Variants in CALHM4 observed in about 807,000 individuals in gnomAD.
CALHM4 encodes the protein calcium homeostasis modulator protein 4.
In CALHM4, 16 loss-of-function variants were observed where a neutral mutation model predicts 13.3. That is an observed-to-expected ratio of 1.20 (90% CI 0.81 to 1.82). The LOEUF (loss-of-function observed/expected upper bound fraction) is 1.82. CALHM4 is among the 40% of genes most tolerant of loss of function. The pLI is 0.00. For synonymous variants in CALHM4, 127 were observed against 137.1 expected, an observed-to-expected ratio of 0.93 and a Z score of 0.52; for missense variants, 344 against 374.9, an observed-to-expected ratio of 0.92 and a Z score of 0.68.
At chr6:116,554,432 C>A in intron 1 of CALHM4, 81 bp downstream of exon 1, 1 of 1,172,308 alleles carries the variant, frequency 8.5e-7, no homozygotes, top group African/African-American at 1.5e-5. Flanking sequence ...ATTCCTACTG[C>A]TTCTTATATT....
intron 1 of CALHM4, among the ~76,000 whole-genome samples, chr6:116,536,431 G>T (rs959212734): frequency 2.0e-5 from 3 of 152,174 alleles, no homozygotes; most frequent in Admixed American, 2.0e-4. Context: ...ACAAGAGAGG[G>T]GAATGTTATG....
rs190750455 is a variant in CALHM4, at chr6:116,546,622, C to T, written c.-1+2750C>T. ...TGGCATTGGGCAAGCCATTTTATTGCTCTATGACTCAGTTTCCACATTTGC... is the reference window on the plus strand; with the variant it reads ...TGGCATTGGGCAAGCCATTTTATTGTTCTATGACTCAGTTTCCACATTTGC... On this transcript the variant is annotated intron_variant, in intron 2 of 2. Coordinates refer to the CALHM4 transcript ENST00000368597. 2.0e-3 allele frequency among the ~76,000 whole-genome samples: 309 copies of T among 152,290 alleles called. 1 individual carries two copies. The highest frequency in any genetic ancestry group is 3.3e-3 in the Non-Finnish European group (222 of 68,028).
intron 1 of CALHM4, among the ~76,000 whole-genome samples, chr6:116,535,283 G>A (rs1250386842): frequency 1.3e-5 from 2 of 152,204 alleles, no homozygotes; most frequent in East Asian, 1.9e-4. Flanking sequence ...CTTGCTTGGA[G>A]TCACACAGTG....
Position 116,545,416 on chromosome 6 carries a change from CA to C in CALHM4, c.-1+1545del, listed in dbSNP as rs924211010. 4.9e-6 allele frequency: 7 copies of C among 1,434,454 alleles called. No homozygotes were observed. In the African/African-American group the frequency reaches 1.0e-4, roughly 21 times the overall value. The allele number at this position is 1,434,454 out of a possible 1,614,324, so 88.9% of individuals were successfully genotyped here. A position where few individuals can be genotyped will look rare whatever the true frequency, so the allele number is the denominator to read the frequency against. ...TCAGTTTTTAAAATCAATCAGAAAT[CA>C]CTCAAGAAAACATTTTCTCTGAAGT... is the stretch of plus-strand genomic sequence containing the variant. On this transcript the variant is annotated intron_variant, in intron 2 of 2. Transcript: ENST00000368597.
chr6:116,530,663 C>G (rs974223336), intron 1 of CALHM4, among the ~76,000 whole-genome samples: 1 of 152,044 alleles, frequency 6.6e-6, no homozygotes, highest in African/African-American at 2.4e-5. Flanking sequence ...TGTGGTTTCA[C>G]TTGACTGCTT....
At position 116,560,892 on chromosome 6, in the gene CALHM4, A is replaced by G. The variant is rs1774563196; in HGVS notation, c.*2681A>G. Among the ~76,000 whole-genome samples, 1 of 152,176 alleles carries G rather than the reference A, an allele frequency of 6.6e-6. No homozygotes were observed. The highest frequency in any genetic ancestry group is 2.4e-5 in the African/African-American group (1 of 41,444). ...ATAAACCTGCTCCTTTCTTAATTTC[A>G]TTAGCTCCTCCACGGTCCCATCATG... On this transcript the variant is annotated 3_prime_UTR_variant, in exon 2 of 2. Transcript: ENST00000368596.
At position 116,554,161 on chromosome 6, in the gene CALHM4, T is replaced by C; in HGVS notation, c.368T>C (p.Leu123Pro). The C allele has an allele frequency of 2.6e-6, 4 of 1,550,544 alleles. No individual in the cohort carries two copies. Among genetic ancestry groups the C allele is most frequent in the Non-Finnish European group, 3.5e-6 (4 of 1,146,982 alleles). ...CCTTTAACTTGGCTGGCGGTGACCCTGCTGACAGGCACGTATTATGAATGT... is the reference window on the plus strand; with the variant it reads ...CCTTTAACTTGGCTGGCGGTGACCCCGCTGACAGGCACGTATTATGAATGT... ...IAPLTWLAVT[L>P]LTGTYYECAA... Residue 123 changes from leucine (L) to proline (P), a missense_variant, in exon 1 of 2, where the codon CTG (leucine) becomes CCG (proline). Leu to Pro is a moderately conservative substitution (Grantham distance 98, BLOSUM62 -3). Transcript: ENST00000368596.
chr6:116,550,106 A>G (rs1224049347), upstream of CALHM4, among the ~76,000 whole-genome samples: 1 of 150,836 alleles, frequency 6.6e-6, no homozygotes, highest in African/African-American at 2.4e-5. Context: ...TATATATTTC[A>G]AAGTTATACA....
At chr6:116,540,241 C>G in intron 1 of CALHM4, 1 of 879,888 alleles carries the variant, frequency 1.1e-6, no homozygotes, top group Non-Finnish European at 1.7e-6. Context: ...ATCAGAATCT[C>G]CTTTCTCAGC....
Position 116,553,783 on chromosome 6 carries a change from A to C in CALHM4, c.-11A>C, listed in dbSNP as rs574282658. ...AGGGCCACAAGCTGATTTGTGTAAC[A>C]GCTTCCCAAGATGTGCCCAACTCTC... On this transcript the variant is annotated 5_prime_UTR_variant, in exon 1 of 2. Coordinates refer to ENST00000368596, the MANE Select transcript of CALHM4 (RefSeq NM_001366078.2). 173 of 1,545,422 alleles carry C rather than the reference A, an allele frequency of 1.1e-4. 1 individual carries two copies. The African/African-American group carries it at 2.1e-3, about 19-fold the overall frequency.
rs1016182751 is a variant in CALHM4, at chr6:116,543,257, G to A, written c.-108-508G>A. The A allele has an allele frequency of 5.6e-6, 8 of 1,422,014 alleles. No individual in the cohort carries two copies. The African/African-American group carries it at 1.0e-4, about 18-fold the overall frequency. 88.1% of individuals were successfully genotyped at this position (1,422,014 alleles called of 1,614,324 possible). A position where few individuals can be genotyped will look rare whatever the true frequency, so the allele number is the denominator to read the frequency against. On this transcript the variant is annotated intron_variant, in intron 1 of 2. Coordinates refer to the CALHM4 transcript ENST00000368597. ...TAGAGGCAGAAAGAATGCAGGTGAT[G>A]TAAGAAACAACAGCCATTCAATAAG...
intron 1 of CALHM4, among the ~76,000 whole-genome samples, chr6:116,535,272 A>G (rs1392658181): frequency 6.6e-6 from 1 of 152,246 alleles, no homozygotes. Flanking sequence ...AGCTTAAGCA[A>G]CTTGCTTGGA....
chr6:116,538,746 T>G (rs1452151603), intron 1 of CALHM4, among the ~76,000 whole-genome samples: 1 of 152,028 alleles, frequency 6.6e-6, no homozygotes, highest in East Asian at 1.9e-4. Flanking sequence ...TTTTTTTTTT[T>G]TTTGAAACAG....
At chr6:116,540,260 A>G in intron 1 of CALHM4, 1 of 1,050,464 alleles carries the variant, frequency 9.5e-7, no homozygotes, top group Non-Finnish European at 1.4e-6. Context: ...GCACCTAACA[A>G]TGAATGCAGA....
upstream of CALHM4, among the ~76,000 whole-genome samples, chr6:116,551,482 GT>G (rs1774076531): frequency 2.6e-5 from 4 of 151,628 alleles, no homozygotes; most frequent in South Asian, 8.3e-4. Context: ...TCAAGTTATT[GT>G]ATTAATATAT....
At chr6:116,530,923 A>ATATATATG (rs1351523079) in intron 1 of CALHM4, among the ~76,000 whole-genome samples, 3 of 142,674 alleles carry the variant, frequency 2.1e-5, no homozygotes, top group African/African-American at 7.8e-5. Flanking sequence ...ATATATATAT[A>ATATATATG]TATATATATA....
At chr6:116,542,874 T>A (rs1773548343) in intron 1 of CALHM4, among the ~76,000 whole-genome samples, 1 of 152,040 alleles carries the variant, frequency 6.6e-6, no homozygotes, top group African/African-American at 2.4e-5. Context: ...CCATTGTGAG[T>A]TTCTTGTATA....
chr6:116,532,391 C>T (rs1772794592), intron 1 of CALHM4, among the ~76,000 whole-genome samples: 1 of 152,276 alleles, frequency 6.6e-6, no homozygotes, highest in Non-Finnish European at 1.5e-5. Flanking sequence ...CGTGAGCCAC[C>T]GCGCCCGGCC....
chr6:116,554,361 T>G lies in CALHM4; in HGVS notation c.558+10T>G. ...CAGATACCAGTCACAGGTAAGTTTT[T>G]AGAATTTTTTTCCCTCTGCTATGTT... On this transcript the variant is annotated intron_variant, in intron 1 of 1. Transcript: ENST00000368596. The G allele has an allele frequency of 6.6e-7, 1 of 1,512,704 alleles. No individual in the cohort carries two copies. The highest frequency in any genetic ancestry group is 8.8e-7 in the Non-Finnish European group (1 of 1,132,582). 93.7% of individuals were successfully genotyped at this position (1,512,704 alleles called of 1,614,324 possible). A position where few individuals can be genotyped will look rare whatever the true frequency, so the allele number is the denominator to read the frequency against.
Sources: gnomAD v4.1 joint callset for allele counts (sites outside exome capture counted in the v4.1 genomes callset) on GRCh38, gnomAD v4.1.1 for gene constraint, MANE v1.5 for transcripts, NCBI Gene and HGNC (gene_info 2026-07-23, HGNC 2026-07-21) for gene names.